The following FBXO11 variants were observed in gnomAD, a reference collection of about 807,000 sequenced individuals.
The protein encoded by FBXO11 is F-box protein 11, also known as F-box only protein 11.
Under a neutral mutation model 117.0 loss-of-function variants are expected in FBXO11, and 13 were observed. That is an observed-to-expected ratio of 0.11 (90% confidence interval 0.07 to 0.18). The LOEUF is 0.18. FBXO11 is among the 10% of genes least tolerant of loss of function. The probability of loss-of-function intolerance (pLI) is 1.00; values close to 1 mark genes in which losing one functional copy is unlikely to be tolerated. For missense variants in FBXO11, 767 were observed against 1,164.4 expected (o/e 0.66, Z 4.97); for synonymous variants, 490 against 380.5 (o/e 1.29, Z -3.35).
intron 7 of FBXO11, 56 bp from the exon 8 acceptor site, chr2:47,833,126 ATCT>A (rs1301409424): frequency 7.7e-6 from 9 of 1,166,502 alleles, no homozygotes; most frequent in Admixed American, 7.2e-5. Flanking sequence ...ACAGATGGGT[ATCT>A]TTATGGAGGG....
intron 1 of FBXO11, among the ~76,000 whole-genome samples, chr2:47,841,975 A>T (rs2104881595): frequency 6.6e-6 from 1 of 150,704 alleles, no homozygotes; most frequent in East Asian, 2.0e-4. Context: ...TGATTATAAT[A>T]CAAATGCTTT....
chr2:47,826,082 G>A (rs1442846553), intron 11 of FBXO11, among the ~76,000 whole-genome samples: 2 of 151,920 alleles, frequency 1.3e-5, no homozygotes, highest in African/African-American at 2.4e-5. Flanking sequence ...TTTTTGAGAC[G>A]GAGTCTCACT....
chr2:47,835,389 T>A (rs1286655078), intron 5 of FBXO11, among the ~76,000 whole-genome samples: 1 of 152,242 alleles, frequency 6.6e-6, no homozygotes. Context: ...ACAACTGCTC[T>A]TAGGCTACTA....
chr2:47,878,841 C>T (rs954350743), intron 1 of FBXO11, among the ~76,000 whole-genome samples: 12 of 151,702 alleles, frequency 7.9e-5, no homozygotes, highest in East Asian at 3.9e-4. Flanking sequence ...ATTAGCCTGG[C>T]GTGGTGGGAT....
At chr2:47,891,956 A>C (rs1041807909) in intron 1 of FBXO11, among the ~76,000 whole-genome samples, 24 of 152,078 alleles carry the variant, frequency 1.6e-4, no homozygotes, top group African/African-American at 4.8e-4. Flanking sequence ...CTCATTTTTA[A>C]ATAGGTTATT....
chr2:47,901,113 G>A (rs866140610), intron 1 of FBXO11, among the ~76,000 whole-genome samples: 6,494 of 84,262 alleles, frequency 0.077, 432 homozygotes, highest in Non-Finnish European at 0.11. Context: ...ATGTATATAT[G>A]TACACACGTG....
chr2:47,831,525 C>T (rs927601911), intron 11 of FBXO11, among the ~76,000 whole-genome samples: 13 of 150,136 alleles, frequency 8.7e-5, no homozygotes, highest in Admixed American at 4.6e-4. Flanking sequence ...GTATAATAGG[C>T]AACAAAACCT....
intron 18 of FBXO11, chr2:47,810,663 G>A: frequency 2.5e-6 from 1 of 394,534 alleles, no homozygotes; most frequent in Non-Finnish European, 4.5e-6. Flanking sequence ...CATGATAGCA[G>A]GGTCCATGTC....
intron 1 of FBXO11, among the ~76,000 whole-genome samples, chr2:47,853,130 G>C (rs1024178933): frequency 6.7e-6 from 1 of 150,204 alleles, no homozygotes; most frequent in Non-Finnish European, 1.5e-5. Flanking sequence ...ACAGTGCAGT[G>C]GCACGATCTT....
chr2:47,888,771 G>A, intron 1 of FBXO11: 1 of 408,826 alleles, frequency 2.4e-6, no homozygotes, highest in African/African-American at 2.2e-5. Flanking sequence ...ACACACTTCA[G>A]AACCTCAACT....
intron 1 of FBXO11, among the ~76,000 whole-genome samples, chr2:47,845,684 ATT>A (rs1369617013): frequency 6.6e-6 from 1 of 152,104 alleles, no homozygotes; most frequent in Non-Finnish European, 1.5e-5. Context: ...TATATGCCAT[ATT>A]TCCCTAACAA....
intron 20 of FBXO11, 134 bp from the exon 21 acceptor site, chr2:47,809,400 G>T (rs775253664): frequency 2.5e-4 from 170 of 688,576 alleles, no homozygotes; most frequent in Non-Finnish European, 3.8e-4. Context: ...TGAAGTAATT[G>T]TAAGAAATCA....
At chr2:47,838,152 G>C (rs938126214) in intron 4 of FBXO11, among the ~76,000 whole-genome samples, 3 of 151,758 alleles carry the variant, frequency 2.0e-5, no homozygotes, top group Non-Finnish European at 4.4e-5. Context: ...AGAATGGCTT[G>C]AGCCCAGAGG....
At chr2:47,887,846 G>C (rs1178470345) in intron 1 of FBXO11, among the ~76,000 whole-genome samples, 2 of 152,104 alleles carry the variant, frequency 1.3e-5, no homozygotes, top group Admixed American at 6.5e-5. Context: ...GAATGACTGA[G>C]ATTCTGTCTC....
intron 1 of FBXO11, among the ~76,000 whole-genome samples, chr2:47,861,318 CTTT>C (rs869265850): frequency 8.3e-5 from 11 of 132,606 alleles, no homozygotes; most frequent in Non-Finnish European, 1.3e-4. Flanking sequence ...ATAGTCTGAC[CTTT>C]TTTTTTTTTT....
intron 1 of FBXO11, among the ~76,000 whole-genome samples, chr2:47,854,212 T>C (rs1674095664): frequency 6.6e-6 from 1 of 151,948 alleles, no homozygotes; most frequent in Admixed American, 6.6e-5. Context: ...TTTTTCTTTT[T>C]TTTGAGACGG....
chr2:47,841,052 G>C (rs1309985403), intron 1 of FBXO11, among the ~76,000 whole-genome samples: 1 of 151,862 alleles, frequency 6.6e-6, no homozygotes, highest in Non-Finnish European at 1.5e-5. Context: ...CAAAAAATTA[G>C]CCTGGTGTGG....
chr2:47,813,191 T>C, intron 18 of FBXO11, 43 bp downstream of exon 18: 1 of 1,582,506 alleles, frequency 6.3e-7, no homozygotes, highest in Non-Finnish European at 8.7e-7. Flanking sequence ...GGAAGAATAA[T>C]GGAAAACTGG....
Position 47,808,115 on chromosome 2 carries a change from A to C in FBXO11, c.*3T>G, listed in dbSNP as rs1444213877. The C allele has an allele frequency of 6.2e-7, 1 of 1,602,136 alleles. No individual in the cohort carries two copies. Among genetic ancestry groups the C allele is most frequent in the Non-Finnish European group, 8.5e-7 (1 of 1,176,618 alleles). On this transcript the variant is annotated 3_prime_UTR_variant, in exon 23 of 23. Transcript: ENST00000403359. ...GGCAGGACTTTTTCTTTAGGGAAGG[A>C]ATTCAGTTGTGCTGCAATGTATTAG...
Sources: gnomAD v4.1 joint callset for allele counts (sites outside exome capture counted in the v4.1 genomes callset) on GRCh38, gnomAD v4.1.1 for gene constraint, MANE v1.5 for transcripts, NCBI Gene and HGNC (gene_info 2026-07-23, HGNC 2026-07-21) for gene names.